Variants in PDZD7 observed in about 807,000 individuals in gnomAD.
PDZD7 encodes the protein PDZ domain-containing protein 7.
A neutral mutation model predicts 84.7 loss-of-function variants in PDZD7; 72 were observed. The ratio of observed to expected loss-of-function variants is 0.85; its 90% confidence interval spans 0.70 to 1.03. The LOEUF (loss-of-function observed/expected upper bound fraction) is 1.03, where lower values mean the gene tolerates loss of function less well. PDZD7 is among the 50% of genes least tolerant of loss of function. The pLI is 0.00. For missense variants in PDZD7, 1,490 were observed against 1,412.9 expected (o/e 1.05, Z -0.87); for synonymous variants, 594 against 580.7 (o/e 1.02, Z -0.33).
intron 2 of PDZD7, among the ~76,000 whole-genome samples, chr10:101,027,359 G>T (rs1363372987): frequency 1.3e-5 from 2 of 151,416 alleles, no homozygotes; most frequent in African/African-American, 2.4e-5. Context: ...CAGTGCTCCT[G>T]CCCAGGCCTT....
chr10:101,017,325 A>T (rs1852673747), intron 9 of PDZD7: 1 of 349,444 alleles, frequency 2.9e-6, no homozygotes, highest in South Asian at 6.6e-5. Context: ...ATGTCTGATG[A>T]TGTTGCTCAG....
At chr10:101,024,862 T>A (rs1457290141) in intron 2 of PDZD7, among the ~76,000 whole-genome samples, 2 of 149,320 alleles carry the variant, frequency 1.3e-5, no homozygotes, top group African/African-American at 5.0e-5. Context: ...TGTGTGTGTG[T>A]GTATCAGTGC....
In PDZD7 at chr10:101,010,492, C is replaced by T. The variant is rs759844154; in HGVS notation, c.2397G>A (p.Pro799=). Residue 799 remains proline, a synonymous_variant, in exon 15 of 17, where the codon CCG becomes CCA. Transcript: ENST00000619208. ...GKSPGRRSPS[P]VPTPAPSMTN... ...TCATGCTGGGGGCAGGGGTAGGCACCGGGGATGGGGAGCGTCTACCTGGAG... is the reference window on the plus strand; with the variant it reads ...TCATGCTGGGGGCAGGGGTAGGCACTGGGGATGGGGAGCGTCTACCTGGAG... 5 of 1,534,424 alleles carry T rather than the reference C, an allele frequency of 3.3e-6. No individual in the cohort carries two copies. Among genetic ancestry groups the T allele is most frequent in the Admixed American group, 2.0e-5 (1 of 50,946 alleles).
rs1346593941 is a variant in PDZD7 at position 101,030,056 on chromosome 10, G to A, written c.164C>T (p.Pro55Leu). 1 of 1,614,112 alleles carries A rather than the reference G, an allele frequency of 6.2e-7. No homozygotes were observed. The highest frequency in any genetic ancestry group is 1.7e-5 in the Admixed American group (1 of 60,034). Reference protein sequence around the residue: ...RKQQRLLNGPPRGIRASSPMG... With the variant: ...RKQQRLLNGPLRGIRASSPMG... ...GGGCGATGAGGCTCGGATTCCGCGG[G>A]GGGGCCCGTTCAGCAGCCGTTGTTG... is the stretch of plus-strand genomic sequence containing the variant. Residue 55 changes from proline to leucine, a missense_variant, in exon 2 of 17, where the codon CCC becomes CTC. Coordinates refer to ENST00000619208, the MANE Select transcript of PDZD7 (RefSeq NM_001195263.2).
In PDZD7 at chr10:101,024,014, G is replaced by C; in HGVS notation, c.281C>G (p.Ala94Gly). The change falls in exon 3 of 17, where the codon GCA (alanine) becomes GGA (glycine). Residue 94 changes from alanine to glycine, a missense_variant. By Grantham distance (60) the Ala-to-Gly change is moderately conservative. Coordinates refer to ENST00000619208, the MANE Select transcript of PDZD7 (RefSeq NM_001195263.2). ...GCGCACGCTGAAGCCCAGCCTCCCTGCTGGACTCTTCTCCACCCGGACTGA... is the reference window on the plus strand; with the variant it reads ...GCGCACGCTGAAGCCCAGCCTCCCTCCTGGACTCTTCTCCACCCGGACTGA... ...IHSVRVEKSP[A>G]GRLGFSVRGG... 1 of 1,614,262 alleles carries C rather than the reference G, an allele frequency of 6.2e-7. No homozygotes were observed. The highest frequency in any genetic ancestry group is 8.5e-7 in the Non-Finnish European group (1 of 1,180,042).
In PDZD7 at chr10:101,010,791, C is replaced by G. The variant is rs897289971; in HGVS notation, c.2098G>C (p.Val700Leu). 1 of 1,535,510 alleles carries G rather than the reference C, an allele frequency of 6.5e-7. No homozygotes were observed. Among genetic ancestry groups the G allele is most frequent in the Non-Finnish European group, 8.7e-7 (1 of 1,146,874 alleles). Reference protein sequence around the residue: ...ELRERLGALKVSPSASAPRHP... With the variant: ...ELRERLGALKLSPSASAPRHP... ...CGAGGGGCAGAGGCACTTGGGGAGACCTTGAGGGCCCCCAGCCGCTCCCTC... is the reference window on the plus strand; with the variant it reads ...CGAGGGGCAGAGGCACTTGGGGAGAGCTTGAGGGCCCCCAGCCGCTCCCTC... Residue 700 changes from valine to leucine, a missense_variant, in exon 15 of 17, where the codon GTC becomes CTC. Transcript: ENST00000619208.
intron 15 of PDZD7, 30 bp downstream of exon 15, chr10:101,010,242 T>G: frequency 1.3e-6 from 2 of 1,497,602 alleles, no homozygotes; most frequent in Non-Finnish European, 1.8e-6. Context: ...CCTAGTGTCC[T>G]CTGCCGGGCC....
Position 101,030,355 on chromosome 10 carries a change from C to A in PDZD7, c.-136G>T, listed in dbSNP as rs892932363. The A allele has an allele frequency of 3.9e-6, 3 of 767,036 alleles. No individual in the cohort carries two copies. Among genetic ancestry groups the A allele is most frequent in the Non-Finnish European group, 4.5e-6 (2 of 444,758 alleles). 47.5% of individuals were successfully genotyped at this position (767,036 alleles called of 1,614,324 possible). A position where few individuals can be genotyped will look rare whatever the true frequency, so the allele number is the denominator to read the frequency against. ...TCAGTAACGTGAAGGCCCTCGCTTG[C>A]GATGCCTCTCAGAAGTGTGAGCTCC... is the stretch of plus-strand genomic sequence containing the variant. On this transcript the variant is annotated 5_prime_UTR_variant, in exon 2 of 17. Coordinates refer to ENST00000619208, the MANE Select transcript of PDZD7 (RefSeq NM_001195263.2).
At chr10:101,030,723 T>C in intron 1 of PDZD7, 1 of 223,874 alleles carries the variant, frequency 4.5e-6, no homozygotes, top group South Asian at 5.7e-5. Context: ...TCAGGACAGC[T>C]CATGGCATCA....
intron 14 of PDZD7, chr10:101,011,292 C>A (rs910005373): frequency 2.6e-6 from 1 of 377,810 alleles, no homozygotes; most frequent in Non-Finnish European, 4.4e-6. Context: ...CCACCCGCCT[C>A]AGCCTCCCAA....
rs575759279 is a variant in PDZD7 at position 101,029,827 on chromosome 10, G to T, written c.226+167C>A. ...GATTGGCCTGGAGGAGAGGCCAAGG[G>T]CAGGTGAGGAAGAGTGTATGGGTTC... On this transcript the variant is annotated intron_variant, in intron 2 of 16. Transcript: ENST00000619208. 2.4e-3 allele frequency among the ~76,000 whole-genome samples: 362 copies of T among 152,268 alleles called. 2 individuals carry two copies. Among genetic ancestry groups the T allele is most frequent in the Admixed American group, 5.5e-3 (84 of 15,300 alleles).
chr10:101,030,507 C>A (rs1352184775), intron 1 of PDZD7, 123 bp from the exon 2 acceptor site: 3 of 587,722 alleles, frequency 5.1e-6, no homozygotes, highest in Non-Finnish European at 9.3e-6. Context: ...CCCCTCCTGT[C>A]TCACCCTAGG....
chr10:101,015,312 C>A (rs1199936670), intron 11 of PDZD7, among the ~76,000 whole-genome samples: 1 of 152,158 alleles, frequency 6.6e-6, no homozygotes, highest in African/African-American at 2.4e-5. Context: ...TAAATATCAC[C>A]TCCTCTAGGA....
At chr10:101,027,175 T>C (rs1468879565) in intron 2 of PDZD7, among the ~76,000 whole-genome samples, 1 of 152,170 alleles carries the variant, frequency 6.6e-6, no homozygotes, top group African/African-American at 2.4e-5. Context: ...TCAACACCTG[T>C]TCCTGCTTCT....
chr10:101,008,454 G>C lies in PDZD7; in HGVS notation c.*13C>G, dbSNP rs1025536197. On this transcript the variant is annotated 3_prime_UTR_variant, in exon 17 of 17. Transcript: ENST00000619208. ...GCTGGAGTCAGTGGGTGAATCTGAG[G>C]TTAGGGGGAGGGTCATGGGATGCGT... 2.1e-5 allele frequency: 32 copies of C among 1,491,552 alleles called. No homozygotes were observed. Among genetic ancestry groups the C allele is most frequent in the Non-Finnish European group, 2.8e-5 (31 of 1,122,780 alleles). The allele number at this position is 1,491,552 out of a possible 1,614,324, so 92.4% of individuals were successfully genotyped here. A position where few individuals can be genotyped will look rare whatever the true frequency, so the allele number is the denominator to read the frequency against.
chr10:101,024,087 A>C lies in PDZD7; in HGVS notation c.227-19T>G, dbSNP rs1346528359. On this transcript the variant is annotated intron_variant, in intron 2 of 16. Transcript: ENST00000619208. ...CTGTTGGCTGTGAGGACAGGGATTT[A>C]GGGATGCCCCCATGTTCATTGTGGG... 6.2e-7 allele frequency: 1 copy of C among 1,614,210 alleles called. No individual in the cohort carries two copies. Among genetic ancestry groups the C allele is most frequent in the South Asian group, 1.1e-5 (1 of 91,088 alleles).
Position 101,020,609 on chromosome 10 carries a change from G to A in PDZD7, c.928+9C>T. 6.2e-7 allele frequency: 1 copy of A among 1,612,328 alleles called. No individual in the cohort carries two copies. The highest frequency in any genetic ancestry group is 8.5e-7 in the Non-Finnish European group (1 of 1,178,554). On this transcript the variant is annotated intron_variant, in intron 7 of 16. Transcript: ENST00000619208. ...TTCCCTCCAACCTTGGGAGATCTGA[G>A]CCACTTACGTCGGTCCAGCCAGCAG...
rs1322267986 is a variant in PDZD7 at position 101,008,800 on chromosome 10, GGTCAC to G, written c.2764_2768del (p.Val922ProfsTer37). 1 of 1,528,696 alleles carries G rather than the reference GGTCAC, an allele frequency of 6.5e-7. No individual in the cohort carries two copies. Among genetic ancestry groups the G allele is most frequent in the African/African-American group, 1.4e-5 (1 of 72,788 alleles). The allele number at this position is 1,528,696 out of a possible 1,614,324, so 94.7% of individuals were successfully genotyped here. A position where few individuals can be genotyped will look rare whatever the true frequency, so the allele number is the denominator to read the frequency against. On this transcript the variant is annotated frameshift_variant, in exon 17 of 17. Coordinates refer to ENST00000619208, the MANE Select transcript of PDZD7 (RefSeq NM_001195263.2). LOFTEE classifies it low-confidence loss of function (END_TRUNC). ...GGATGGTGTCTACTGCACGCTGGTG[GGTCAC>G]CTGCTCTAGATTCTCTCCGTCCACT...
intron 9 of PDZD7, 115 bp downstream of exon 9, chr10:101,017,984 G>T: frequency 8.2e-7 from 1 of 1,218,864 alleles, no homozygotes; most frequent in Non-Finnish European, 1.2e-6. Context: ...GGCTCTCAGG[G>T]GTTGAGTAGG....
Sources: allele counts gnomAD v4.1 joint callset (sites outside exome capture counted in the v4.1 genomes callset), GRCh38; gene constraint gnomAD v4.1.1; transcripts MANE v1.5; gene names NCBI Gene and HGNC (gene_info 2026-07-23, HGNC 2026-07-21).